Variants in MOXD1 observed in about 807,000 individuals in gnomAD.
The protein encoded by MOXD1 is DBH-like monooxygenase protein 1.
MOXD1 carries 62 observed loss-of-function variants against 66.6 expected under a neutral mutation model. The observed-to-expected ratio is 0.93, with a 90% CI of 0.76 to 1.15. The LOEUF (loss-of-function observed/expected upper bound fraction) is 1.15, where lower values mean the gene tolerates loss of function less well. Ranked by LOEUF, MOXD1 falls within the 50% of genes most tolerant of loss-of-function variation. The pLI, the probability that MOXD1 is intolerant of heterozygous loss-of-function variation, is 0.00. For missense variants in MOXD1, 847 were observed against 754.6 expected, an observed-to-expected ratio of 1.12 and a Z score of -1.44; for synonymous variants, 303 against 281.9, an observed-to-expected ratio of 1.07 and a Z score of -0.75.
At position 132,340,638 on chromosome 6, in the gene MOXD1, A is replaced by ATTTTTTTTTTTTTTTTTTT. The variant is rs869205496; in HGVS notation, c.664-12063_664-12045dup. ...ACAACATGCTAAAACAACAAGACTC[A>ATTTTTTTTTTTTTTTTTTT]TTTTTTTTTTTTTTTTTTTTTTTTT... On this transcript the variant is annotated intron_variant, in intron 4 of 11. Transcript: ENST00000367963. Among the ~76,000 whole-genome samples the ATTTTTTTTTTTTTTTTTTT allele has an allele frequency of 2.3e-4, 23 of 98,782 alleles. 3 individuals are homozygous for ATTTTTTTTTTTTTTTTTTT. The highest frequency in any genetic ancestry group is 8.9e-4 in the African/African-American group (20 of 22,562). The allele number at this position is 98,782 out of a possible 152,430, so 64.8% of individuals were successfully genotyped here. A position where few individuals can be genotyped will look rare whatever the true frequency, so the allele number is the denominator to read the frequency against.
At position 132,385,644 on chromosome 6, in the gene MOXD1, TG is replaced by T. The variant is rs542347404; in HGVS notation, c.265-10868del. Among the ~76,000 whole-genome samples, 222 of 151,792 alleles carry T rather than the reference TG, an allele frequency of 1.5e-3. 4 individuals are homozygous for T. In the South Asian group the frequency reaches 0.044, roughly 30 times the overall value. On this transcript the variant is annotated intron_variant, in intron 1 of 11. Transcript: ENST00000367963. ...GATTACAGGTGCCTGCCACCATGCC[TG>T]GCTAATTTTTGTATTATTAGTAGAG...
rs1226237137 is a variant in MOXD1, at chr6:132,347,757, T to A, written c.664-19163A>T. On this transcript the variant is annotated intron_variant, in intron 4 of 11. Transcript: ENST00000367963. ...GGGATAGCAAAAATATTTAAAAGAC[T>A]ATGCTTAACTTCTTGCAGAATTTGT... Among the ~76,000 whole-genome samples, 2 of 152,200 alleles carry A rather than the reference T, an allele frequency of 1.3e-5. 1 individual carries two copies. Among genetic ancestry groups the A allele is most frequent in the East Asian group, 3.8e-4 (2 of 5,200 alleles).
chr6:132,377,718 C>A (rs1172274825), intron 1 of MOXD1, among the ~76,000 whole-genome samples: 1 of 152,178 alleles, frequency 6.6e-6, no homozygotes, highest in Non-Finnish European at 1.5e-5. Flanking sequence ...AAAAAAGAAG[C>A]AGTTGTCTAA....
intron 6 of MOXD1, among the ~76,000 whole-genome samples, chr6:132,325,885 T>C (rs879386216): frequency 5.3e-5 from 8 of 152,190 alleles, no homozygotes; most frequent in Non-Finnish European, 7.4e-5. Context: ...GTTAAACAAA[T>C]AAATCATAAA....
chr6:132,372,871 G>T lies in MOXD1; in HGVS notation c.538C>A (p.Leu180Ile), dbSNP rs1183946446. ...TCAAAGTATGGTAAGGCTGTAGATA[G>T]CACACTAGTTTTCTCAGGATTCAAT... ...RLLNPEKTSV[L>I]STALPYFDLV... is the part of the protein sequence containing the mutation. The change falls in exon 3 of 12, where the codon CTA becomes ATA. Residue 180 changes from leucine (L) to isoleucine (I), a missense_variant. By Grantham distance (5) the Leu-to-Ile change is conservative (BLOSUM62 2). Coordinates refer to ENST00000367963, the MANE Select transcript of MOXD1 (RefSeq NM_015529.4). 6.2e-7 allele frequency: 1 copy of T among 1,613,886 alleles called. No homozygotes were observed. Among genetic ancestry groups the T allele is most frequent in the Non-Finnish European group, 8.5e-7 (1 of 1,179,924 alleles).
At chr6:132,303,376 T>C (rs146389471) in intron 10 of MOXD1, among the ~76,000 whole-genome samples, 1 of 152,010 alleles carries the variant, frequency 6.6e-6, no homozygotes, top group African/African-American at 2.4e-5. Flanking sequence ...AAATACACAG[T>C]TGCCCCTTGG....
chr6:132,359,266 T>A (rs1309156009), intron 4 of MOXD1, among the ~76,000 whole-genome samples: 2 of 151,900 alleles, frequency 1.3e-5, no homozygotes, highest in Admixed American at 6.6e-5. Context: ...ACCAGCTAAA[T>A]TTTTTAAATT....
chr6:132,339,378 C>T (rs1444781480), intron 4 of MOXD1, among the ~76,000 whole-genome samples: 1 of 151,998 alleles, frequency 6.6e-6, no homozygotes, highest in Non-Finnish European at 1.5e-5. Context: ...AACTCCCCAC[C>T]CACCAACAAA....
intron 4 of MOXD1, among the ~76,000 whole-genome samples, chr6:132,349,048 T>G (rs879841429): frequency 6.6e-6 from 1 of 151,966 alleles, no homozygotes; most frequent in South Asian, 2.1e-4. Context: ...AGTTCTTTGG[T>G]GGTGATTTGT....
rs4897575 is a variant in MOXD1, at chr6:132,333,750, G to C, written c.664-5156C>G. On this transcript the variant is annotated intron_variant, in intron 4 of 11. Coordinates refer to ENST00000367963, the MANE Select transcript of MOXD1 (RefSeq NM_015529.4). ...AAGGTGGGGTGTACAGACCCAGAAT[G>C]GTGACAGGCCCGTGAGCTTACCTTC... is the stretch of plus-strand genomic sequence containing the variant. 4.4e-3 allele frequency among the ~76,000 whole-genome samples: 674 copies of C among 152,288 alleles called. 17 individuals carry two copies. Among genetic ancestry groups the C allele is most frequent in the Admixed American group, 0.038 (582 of 15,302 alleles).
rs1775129534 is a variant in MOXD1, at chr6:132,323,829, A to G, written c.1113+102T>C. 4.7e-6 allele frequency: 6 copies of G among 1,288,922 alleles called. No homozygotes were observed. In the East Asian group the frequency reaches 1.6e-4, roughly 33 times the overall value. 79.8% of individuals were successfully genotyped at this position (1,288,922 alleles called of 1,614,324 possible). ...ATAAGGGTTTCACAGTGTGTCAACA[A>G]GAAAGGAATCGATAATAAACATGTG... On this transcript the variant is annotated intron_variant, in intron 7 of 11. Transcript: ENST00000367963.
intron 4 of MOXD1, among the ~76,000 whole-genome samples, chr6:132,354,829 C>T (rs1775880876): frequency 6.6e-6 from 1 of 152,082 alleles, no homozygotes; most frequent in Non-Finnish European, 1.5e-5. Flanking sequence ...GGTCTTGCTG[C>T]AGCTGCTGTG....
rs142389314 is a variant in MOXD1, at chr6:132,297,175, G to T, written c.1820C>A (p.Thr607Lys). 6.2e-7 allele frequency: 1 copy of T among 1,613,396 alleles called. No individual in the cohort carries two copies. Among genetic ancestry groups the T allele is most frequent in the Non-Finnish European group, 8.5e-7 (1 of 1,179,536 alleles). The change falls in exon 12 of 12, where the codon ACG becomes AAG. Residue 607 changes from threonine to lysine, a missense_variant. Coordinates refer to ENST00000367963, the MANE Select transcript of MOXD1 (RefSeq NM_015529.4). The part of the protein sequence containing the change: ...LLVCLLLLSC[T>K]LSTKSL ...TGATCACAAGCTCTTGGTGCTCAGC[G>T]TGCAGCTGAGTAGCAGAAGGCAAAC...
intron 9 of MOXD1, 86 bp downstream of exon 9, chr6:132,320,543 A>T: frequency 1.8e-6 from 2 of 1,139,418 alleles, no homozygotes; most frequent in South Asian, 3.1e-5. Flanking sequence ...TTCTAAATGG[A>T]AATGGTTTTT....
At chr6:132,360,619 C>T (rs191158802) in intron 4 of MOXD1, among the ~76,000 whole-genome samples, 1 of 152,342 alleles carries the variant, frequency 6.6e-6, no homozygotes, top group East Asian at 1.9e-4. Context: ...TTCTCCTTTA[C>T]TGCCACTATC....
In MOXD1 at chr6:132,387,566, CA is replaced by C. The variant is rs1776676536; in HGVS notation, c.265-12790del. On this transcript the variant is annotated intron_variant, in intron 1 of 11. Transcript: ENST00000367963. ...GTCAGGAGTTTGAGACCAGCCTGGCCAACAAGGTGAAACTCCATCTCTACTA... is the reference window on the plus strand; with the variant it reads ...GTCAGGAGTTTGAGACCAGCCTGGCCACAAGGTGAAACTCCATCTCTACTA... Among the ~76,000 whole-genome samples the C allele has an allele frequency of 3.3e-5, 5 of 150,268 alleles. No individual in the cohort carries two copies. In the South Asian group the frequency reaches 1.1e-3, roughly 33 times the overall value.
chr6:132,341,155 G>T (rs553544254), intron 4 of MOXD1, among the ~76,000 whole-genome samples: 2 of 152,300 alleles, frequency 1.3e-5, no homozygotes, highest in South Asian at 4.1e-4. Flanking sequence ...ATGGTATTAA[G>T]AGGTAGGGTC....
chr6:132,313,982 G>C (rs858375), intron 10 of MOXD1, among the ~76,000 whole-genome samples: 1 of 151,920 alleles, frequency 6.6e-6, no homozygotes, highest in African/African-American at 2.4e-5. Flanking sequence ...ACATAATTAC[G>C]TCAGTCCCTT....
intron 1 of MOXD1, among the ~76,000 whole-genome samples, chr6:132,379,645 AC>A (rs144641727): frequency 1.3e-3 from 196 of 152,306 alleles, no homozygotes; most frequent in Middle Eastern, 6.8e-3. Context: ...TCCAATAGTT[AC>A]AAATTATCAC....
Sources: allele counts gnomAD v4.1 joint callset (sites outside exome capture counted in the v4.1 genomes callset), GRCh38; gene constraint gnomAD v4.1.1; transcripts MANE v1.5; gene names NCBI Gene and HGNC (gene_info 2026-07-23, HGNC 2026-07-21).